The following TRPV1 variants were observed in gnomAD, a reference collection of about 807,000 sequenced individuals.
TRPV1 encodes the protein transient receptor potential cation channel subfamily V member 1.
TRPV1 carries 82 observed loss-of-function variants against 82.3 expected under a neutral mutation model. The observed-to-expected ratio is 1.00, with a 90% confidence interval of 0.83 to 1.20. The LOEUF (loss-of-function observed/expected upper bound fraction) is 1.20, where lower values mean the gene tolerates loss of function less well. Among genes scored for constraint, TRPV1 ranks in the 50% most tolerant of loss-of-function variants. TRPV1 has a pLI of 0.00. For synonymous variants in TRPV1, 515 were observed against 467.7 expected (o/e 1.10, Z -1.30); for missense variants, 1,067 against 1,096.8 (o/e 0.97, Z 0.38).
chr17:3,605,990 GCT>G (rs1312358259), intron 2 of TRPV1, among the ~76,000 whole-genome samples: 1 of 151,732 alleles, frequency 6.6e-6, no homozygotes, highest in Non-Finnish European at 1.5e-5. Flanking sequence ...ACAGAATCTC[GCT>G]CTGTCTCCCA....
At chr17:3,577,313 G>T in intron 12 of TRPV1, 121 bp from the exon 13 acceptor site, 1 of 1,121,710 alleles carries the variant, frequency 8.9e-7, no homozygotes, top group Non-Finnish European at 1.3e-6. Flanking sequence ...TGCTTTGCTG[G>T]TTCTCAGCTC....
intron 13 of TRPV1, among the ~76,000 whole-genome samples, chr17:3,575,310 C>T (rs1162627136): frequency 6.6e-6 from 1 of 152,020 alleles, no homozygotes; most frequent in Middle Eastern, 3.2e-3. Flanking sequence ...TGGTAAAACC[C>T]CATCTGTACT....
chr17:3,597,674 T>TC (rs1211029737), intron 2 of TRPV1, among the ~76,000 whole-genome samples: 49 of 102,498 alleles, frequency 4.8e-4, no homozygotes, highest in African/African-American at 1.3e-3. Flanking sequence ...GTCATTTCCT[T>TC]TTTTTTTTTT....
At position 3,590,257 on chromosome 17, in the gene TRPV1, T is replaced by C; in HGVS notation, c.740A>G (p.Tyr247Cys). 6.2e-7 allele frequency: 1 copy of C among 1,613,854 alleles called. No individual in the cohort carries two copies. The highest frequency in any genetic ancestry group is 1.3e-5 in the African/African-American group (1 of 75,038). ...CTGCCACACTGTCTCCCTACCGAAG[T>C]AGAATCCAGGCCGCCCTTTGGTTTT... ...FKKTKGRPGF[Y>C]FGELPLSLAA... Residue 247 changes from tyrosine (Y) to cysteine (C), a missense_variant, in exon 6 of 17, where the codon TAC becomes TGC. Physicochemically the swap from Tyr to Cys is radical, Grantham distance 194 (BLOSUM62 -2). Transcript: ENST00000572705.
chr17:3,577,112 A>C lies in TRPV1; in HGVS notation c.1780+14T>G, dbSNP rs1241439576. On this transcript the variant is annotated intron_variant, in intron 13 of 16. Coordinates refer to ENST00000572705, the MANE Select transcript of TRPV1 (RefSeq NM_080704.4). ...GGACCCCTGCCCTCCCCCAGCGCTG[A>C]CCAAGCTCATTACCTGTGGAAAACC... The C allele has an allele frequency of 3.2e-6, 5 of 1,576,976 alleles. No individual in the cohort carries two copies. The highest frequency in any genetic ancestry group is 4.3e-6 in the Non-Finnish European group (5 of 1,161,788).
chr17:3,600,602 G>A (rs546939819), intron 2 of TRPV1, among the ~76,000 whole-genome samples: 20 of 152,126 alleles, frequency 1.3e-4, no homozygotes, highest in African/African-American at 2.4e-4. Context: ...AAAACAAAAC[G>A]AAACAAAACA....
chr17:3,578,987 G>A (rs1271005232), intron 11 of TRPV1: 1 of 152,056 alleles, frequency 6.6e-6, no homozygotes, highest in African/African-American at 2.4e-5. Context: ...GCACCCACAA[G>A]CACAAAGACG....
At chr17:3,574,368 T>G (rs539427829) in intron 13 of TRPV1, among the ~76,000 whole-genome samples, 2 of 152,294 alleles carry the variant, frequency 1.3e-5, no homozygotes, top group East Asian at 3.9e-4. Flanking sequence ...GTGGGAAGTG[T>G]GGCCCAGAGC....
rs756956952 is a variant in TRPV1 at position 3,588,180 on chromosome 17, C to A, written c.1224+8G>T. ...GAGGCCCTCCCTGGCTGTGCCCCAG[C>A]CACTCACAGGGGTCTCGCTGCTGCT... On this transcript the variant is annotated splice_region_variant and intron_variant, in intron 8 of 16. Coordinates refer to ENST00000572705, the MANE Select transcript of TRPV1 (RefSeq NM_080704.4). The A allele has an allele frequency of 2.6e-6, 4 of 1,552,120 alleles. No individual in the cohort carries two copies. The highest frequency in any genetic ancestry group is 1.2e-5 in the South Asian group (1 of 84,166).
chr17:3,590,159 T>C, intron 6 of TRPV1, 54 bp from the exon 7 acceptor site: 1 of 1,585,422 alleles, frequency 6.3e-7, no homozygotes, highest in Non-Finnish European at 8.6e-7. Context: ...AGCTGGCCCC[T>C]GAACCACCGG....
chr17:3,579,202 T>C (rs574796491), intron 11 of TRPV1, among the ~76,000 whole-genome samples: 135 of 152,286 alleles, frequency 8.9e-4, no homozygotes, highest in African/African-American at 3.2e-3. Context: ...AAAATAAGTG[T>C]TCCTTTCACA....
chr17:3,566,710 G>T lies in TRPV1; in HGVS notation c.*105C>A. ...TTTGGGAACATGCTGGGCAGGCACAGACCAGGCCAGGCTGCTGACAGAGCA... is the reference window on the plus strand; with the variant it reads ...TTTGGGAACATGCTGGGCAGGCACATACCAGGCCAGGCTGCTGACAGAGCA... On this transcript the variant is annotated 3_prime_UTR_variant, in exon 17 of 17. Coordinates refer to ENST00000572705, the MANE Select transcript of TRPV1 (RefSeq NM_080704.4). 1 of 1,422,232 alleles carries T rather than the reference G, an allele frequency of 7.0e-7. No individual in the cohort carries two copies. Among genetic ancestry groups the T allele is most frequent in the Non-Finnish European group, 9.5e-7 (1 of 1,050,918 alleles). 88.1% of individuals were successfully genotyped at this position (1,422,232 alleles called of 1,614,324 possible).
intron 16 of TRPV1, 60 bp from the exon 17 acceptor site, chr17:3,567,047 T>TC: frequency 6.4e-7 from 1 of 1,569,332 alleles, no homozygotes; most frequent in South Asian, 1.2e-5. Context: ...CTTCTTGGCC[T>TC]CCCAAGTCTC....
intron 16 of TRPV1, among the ~76,000 whole-genome samples, chr17:3,567,323 C>T (rs2074779889): frequency 2.2e-5 from 3 of 133,382 alleles, no homozygotes; most frequent in Non-Finnish European, 3.1e-5. Flanking sequence ...GAGCCGAGAT[C>T]GTGCCACTGC....
rs1158591652 is a variant in TRPV1, at chr17:3,573,829, A to T, written c.1907T>A (p.Leu636Gln). ...GCCGATGGTGAACTTGAACAGCTCC[A>T]GGCAGGTGGAGTACAGGCTGTTGTA... ...SSYNSLYSTC[L>Q]ELFKFTIGMG... Residue 636 changes from leucine (L) to glutamine (Q), a missense_variant, in exon 14 of 17, where the codon CTG (leucine) becomes CAG (glutamine). Leu to Gln is a moderately radical substitution (Grantham distance 113). Coordinates refer to ENST00000572705, the MANE Select transcript of TRPV1 (RefSeq NM_080704.4). 6.2e-7 allele frequency: 1 copy of T among 1,613,312 alleles called. No individual in the cohort carries two copies.
intron 9 of TRPV1, among the ~76,000 whole-genome samples, chr17:3,584,841 G>A (rs2075065020): frequency 6.6e-6 from 1 of 152,188 alleles, no homozygotes; most frequent in South Asian, 2.1e-4. Flanking sequence ...AAAGTGCCCT[G>A]GAAACAAAAG....
rs373037661 is a variant in TRPV1, at chr17:3,591,160, C to T, written c.451+27G>A. 36 of 1,608,558 alleles carry T rather than the reference C, an allele frequency of 2.2e-5. No individual in the cohort carries two copies. The African/African-American group carries it at 4.4e-4, about 20-fold the overall frequency. ...GGTCAGGGCAGGCCAGGGCTGGGGC[C>T]CTCCCCGAGCCCAGCGCTGGGGCCA... On this transcript the variant is annotated intron_variant, in intron 4 of 16. Coordinates refer to ENST00000572705, the MANE Select transcript of TRPV1 (RefSeq NM_080704.4).
At chr17:3,596,813 A>T (rs74441350) in intron 2 of TRPV1, 2,977 of 152,424 alleles carry the variant, frequency 0.02, 146 homozygotes, top group East Asian at 0.11. Flanking sequence ...GGACCTGCCC[A>T]CAGTCGCACA....
chr17:3,585,846 G>C lies in TRPV1; in HGVS notation c.1305C>G (p.Phe435Leu), dbSNP rs756452895. 6.2e-7 allele frequency: 1 copy of C among 1,614,016 alleles called. No individual in the cohort carries two copies. Among genetic ancestry groups the C allele is most frequent in the East Asian group, 2.2e-5 (1 of 44,878 alleles). The change falls in exon 9 of 17, where the codon TTC (phenylalanine) becomes TTG (leucine). Residue 435 changes from phenylalanine to leucine, a missense_variant. Physicochemically the swap from Phe to Leu is conservative, Grantham distance 22. Transcript: ENST00000572705. ...GGCAGTAGACCAGGAAGTTGAAGTA[G>C]AAGATGCGCTTGACGAATCTGTCCC... is the stretch of plus-strand genomic sequence containing the variant. ...DKWDRFVKRIFYFNFLVYCLY... is the reference protein window; with the variant it reads ...DKWDRFVKRILYFNFLVYCLY...
Sources: gnomAD v4.1 joint callset for allele counts (sites outside exome capture counted in the v4.1 genomes callset) on GRCh38, gnomAD v4.1.1 for gene constraint, MANE v1.5 for transcripts, NCBI Gene and HGNC (gene_info 2026-07-23, HGNC 2026-07-21) for gene names.